Variants in NRG3 observed in about 807,000 individuals in gnomAD.
NRG3 encodes pro-neuregulin-3, membrane-bound isoform.
Under a neutral mutation model 66.9 loss-of-function variants are expected in NRG3, and 31 were observed. That is an observed-to-expected ratio of 0.46 (90% CI 0.35 to 0.63). The LOEUF is 0.63. Among genes scored for constraint, NRG3 ranks in the 20% least tolerant of loss-of-function variants. The probability of loss-of-function intolerance (pLI) is 0.00; values close to 1 mark genes in which losing one functional copy is unlikely to be tolerated. For missense variants in NRG3, 910 were observed against 878.9 expected, an observed-to-expected ratio of 1.04 and a Z score of -0.45; for synonymous variants, 393 against 359.4, an observed-to-expected ratio of 1.09 and a Z score of -1.06.
intron 1 of NRG3, among the ~76,000 whole-genome samples, chr10:82,016,174 G>T (rs2061778644): frequency 6.6e-6 from 1 of 151,932 alleles, no homozygotes; most frequent in African/African-American, 2.4e-5. Flanking sequence ...GGACCAGTGT[G>T]AAAAAGACAT....
chr10:81,903,988 ATATATATATTTT>A (rs1844329045), intron 1 of NRG3, among the ~76,000 whole-genome samples: 4 of 126,318 alleles, frequency 3.2e-5, no homozygotes, highest in African/African-American at 1.6e-4. Flanking sequence ...ATATATATAT[ATATATATATTTT>A]TTTTTTTTGT....
chr10:82,607,800 A>G (rs1024787423), intron 2 of NRG3, among the ~76,000 whole-genome samples: 2 of 152,204 alleles, frequency 1.3e-5, no homozygotes, highest in East Asian at 3.9e-4. Flanking sequence ...ATTTATAAAC[A>G]ATCCAAGTCC....
intron 3 of NRG3, among the ~76,000 whole-genome samples, chr10:82,779,384 C>T (rs557177334): frequency 1.3e-5 from 2 of 152,198 alleles, no homozygotes; most frequent in African/African-American, 4.8e-5. Flanking sequence ...CTCTATGCAG[C>T]CCTTCTGAGT....
At chr10:81,955,304 G>A (rs1462083873) in intron 1 of NRG3, among the ~76,000 whole-genome samples, 1 of 151,872 alleles carries the variant, frequency 6.6e-6, no homozygotes, top group Non-Finnish European at 1.5e-5. Context: ...TTTCCCAGTT[G>A]AAATCTGAGG....
intron 1 of NRG3, among the ~76,000 whole-genome samples, chr10:81,994,821 T>A (rs1001502207): frequency 1.3e-5 from 2 of 152,136 alleles, no homozygotes; most frequent in Non-Finnish European, 2.9e-5. Flanking sequence ...ATTTTTTAAA[T>A]CTTGAAAAAT....
chr10:82,015,103 A>G (rs1215659304), intron 1 of NRG3, among the ~76,000 whole-genome samples: 1 of 152,176 alleles, frequency 6.6e-6, no homozygotes, highest in Non-Finnish European at 1.5e-5. Flanking sequence ...TGAAATCATC[A>G]TATAGTTTAA....
chr10:82,674,925 G>A (rs377392171), intron 2 of NRG3, among the ~76,000 whole-genome samples: 1 of 144,950 alleles, frequency 6.9e-6, no homozygotes, highest in African/African-American at 2.8e-5. Flanking sequence ...TCTAGATTAG[G>A]GGGTTTTATT....
At chr10:81,893,016 A>AT (rs1237884030) in intron 1 of NRG3, among the ~76,000 whole-genome samples, 1 of 152,196 alleles carries the variant, frequency 6.6e-6, no homozygotes, top group Non-Finnish European at 1.5e-5. Context: ...GTGACATTTA[A>AT]TTCAAACTCA....
chr10:82,750,093 A>G (rs920858378), intron 3 of NRG3, among the ~76,000 whole-genome samples: 1 of 152,190 alleles, frequency 6.6e-6, no homozygotes, highest in African/African-American at 2.4e-5. Context: ...GAATCTATTT[A>G]TTTACATTCT....
intron 5 of NRG3, among the ~76,000 whole-genome samples, chr10:82,954,925 T>C (rs1229443614): frequency 6.6e-6 from 1 of 151,786 alleles, no homozygotes; most frequent in Non-Finnish European, 1.5e-5. Context: ...AGGAAAGTAG[T>C]TTATATGCAT....
intron 1 of NRG3, among the ~76,000 whole-genome samples, chr10:82,069,977 T>C (rs2064710460): frequency 6.6e-6 from 1 of 152,234 alleles, no homozygotes; most frequent in South Asian, 2.1e-4. Context: ...ATTTTTCTAC[T>C]GAGTGAATAT....
intron 1 of NRG3, among the ~76,000 whole-genome samples, chr10:82,103,173 C>T (rs1395819449): frequency 6.6e-6 from 1 of 152,052 alleles, no homozygotes; most frequent in Non-Finnish European, 1.5e-5. Context: ...ATCTTCCTGC[C>T]TCCATAGTTT....
At chr10:82,902,283 C>A (rs1026848929) in intron 4 of NRG3, among the ~76,000 whole-genome samples, 1 of 152,104 alleles carries the variant, frequency 6.6e-6, no homozygotes, top group Non-Finnish European at 1.5e-5. Flanking sequence ...ATCATTTAAG[C>A]AGGAAAGTTC....
At chr10:82,869,947 T>G (rs1404583817) in intron 4 of NRG3, among the ~76,000 whole-genome samples, 2 of 150,886 alleles carry the variant, frequency 1.3e-5, no homozygotes, top group African/African-American at 2.4e-5. Flanking sequence ...TTAACTTTTC[T>G]AGACTGTCAT....
rs567471486 is a variant in NRG3, at chr10:82,361,555, C to T, written c.953+2687C>T. On this transcript the variant is annotated intron_variant, in intron 2 of 8. Coordinates refer to ENST00000372141, the MANE Select transcript of NRG3 (RefSeq NM_001010848.4). ...CTCTATTTAAGTAGTATGTTTCAGT[C>T]ATACTCCTATTCAACAAATGTTTAC... 2.6e-5 allele frequency among the ~76,000 whole-genome samples: 4 copies of T among 152,310 alleles called. No individual in the cohort carries two copies. The South Asian group carries it at 6.2e-4, about 24-fold the overall frequency.
At chr10:82,803,354 G>A (rs1303477183) in intron 3 of NRG3, among the ~76,000 whole-genome samples, 3 of 152,144 alleles carry the variant, frequency 2.0e-5, no homozygotes, top group Admixed American at 6.6e-5. Flanking sequence ...GCTTATTTGT[G>A]TGGGACTCTA....
At chr10:82,532,754 C>T (rs1204115382) in intron 2 of NRG3, among the ~76,000 whole-genome samples, 8 of 151,312 alleles carry the variant, frequency 5.3e-5, no homozygotes, top group Admixed American at 6.6e-5. Context: ...ACTATCTCTT[C>T]AAGATCCTGA....
At chr10:82,532,246 G>C (rs1340787790) in intron 2 of NRG3, among the ~76,000 whole-genome samples, 1 of 151,422 alleles carries the variant, frequency 6.6e-6, no homozygotes, top group African/African-American at 2.4e-5. Flanking sequence ...TCTTCTATCT[G>C]ACTATATGTT....
At chr10:82,633,315 T>C (rs1464027299) in intron 2 of NRG3, among the ~76,000 whole-genome samples, 1 of 152,170 alleles carries the variant, frequency 6.6e-6, no homozygotes, top group Admixed American at 6.5e-5. Context: ...ATTAATCATA[T>C]CTGGATTGGG....
Sources: allele counts gnomAD v4.1 joint callset (sites outside exome capture counted in the v4.1 genomes callset), GRCh38; gene constraint gnomAD v4.1.1; transcripts MANE v1.5; gene names NCBI Gene and HGNC (gene_info 2026-07-23, HGNC 2026-07-21).